The following CSMD1 variants were observed in gnomAD, a reference collection of about 807,000 sequenced individuals.
CSMD1 encodes the protein CUB and sushi domain-containing protein 1.
In CSMD1, 213 loss-of-function variants were observed where a neutral mutation model predicts 417.5. That is an observed-to-expected ratio of 0.51 (90% confidence interval 0.46 to 0.57). The LOEUF (loss-of-function observed/expected upper bound fraction) is 0.57, where lower values mean the gene tolerates loss of function less well. CSMD1 is among the 20% of genes least tolerant of loss of function. CSMD1 has a pLI of 0.00. For synonymous variants in CSMD1, 2,862 were observed against 1,736.8 expected, an observed-to-expected ratio of 1.65 and a Z score of -16.11; for missense variants, 6,923 against 4,529.7, an observed-to-expected ratio of 1.53 and a Z score of -15.17.
At chr8:3,232,816 T>A (rs1174125393) in intron 26 of CSMD1, among the ~76,000 whole-genome samples, 1 of 152,154 alleles carries the variant, frequency 6.6e-6, no homozygotes, top group African/African-American at 2.4e-5. Context: ...TTTTTTCTCG[T>A]GCTTTTATTT....
chr8:3,663,653 A>C (rs1036677390), intron 7 of CSMD1, among the ~76,000 whole-genome samples: 2 of 152,130 alleles, frequency 1.3e-5, no homozygotes, highest in African/African-American at 2.4e-5. Flanking sequence ...AAAAGAATGC[A>C]ATCATTTGCC....
At chr8:4,324,504 C>A (rs1009739397) in intron 3 of CSMD1, among the ~76,000 whole-genome samples, 1 of 152,294 alleles carries the variant, frequency 6.6e-6, no homozygotes, top group African/African-American at 2.4e-5. Flanking sequence ...GAAGTGCACA[C>A]AAAAGAGGGT....
At chr8:3,839,257 A>G (rs1014456638) in intron 5 of CSMD1, among the ~76,000 whole-genome samples, 1 of 124,808 alleles carries the variant, frequency 8.0e-6, no homozygotes, top group Non-Finnish European at 1.6e-5. Context: ...AATATATATT[A>G]CTTATATATA....
chr8:3,866,948 C>T (rs1196888890), intron 5 of CSMD1, among the ~76,000 whole-genome samples: 2 of 152,136 alleles, frequency 1.3e-5, no homozygotes, highest in African/African-American at 4.8e-5. Flanking sequence ...TTTGTAAGTA[C>T]CACCATTTTC....
chr8:4,307,996 G>A (rs1024348170), intron 3 of CSMD1, among the ~76,000 whole-genome samples: 2 of 152,128 alleles, frequency 1.3e-5, no homozygotes, highest in African/African-American at 2.4e-5. Context: ...AAGGAGGCTG[G>A]GATGTAAACA....
intron 10 of CSMD1, among the ~76,000 whole-genome samples, chr8:3,557,652 G>A (rs1300623389): frequency 6.6e-6 from 1 of 152,124 alleles, no homozygotes; most frequent in East Asian, 1.9e-4. Flanking sequence ...GCCTTCTGCG[G>A]AAATGCTTGG....
chr8:4,710,204 T>C (rs1217739655), intron 1 of CSMD1, among the ~76,000 whole-genome samples: 2 of 151,930 alleles, frequency 1.3e-5, no homozygotes. Flanking sequence ...AAAATATATA[T>C]ACGTATCTTC....
At chr8:3,503,425 T>A (rs1796689736) in intron 10 of CSMD1, among the ~76,000 whole-genome samples, 1 of 152,248 alleles carries the variant, frequency 6.6e-6, no homozygotes, top group Non-Finnish European at 1.5e-5. Context: ...GAAATAAAGT[T>A]TGCACAGGCA....
chr8:3,764,792 G>C (rs957766649), intron 5 of CSMD1, among the ~76,000 whole-genome samples: 2 of 147,022 alleles, frequency 1.4e-5, no homozygotes, highest in South Asian at 2.2e-4. Flanking sequence ...TGTTGCCTAG[G>C]CTGGAGTGCA....
intron 3 of CSMD1, among the ~76,000 whole-genome samples, chr8:4,142,709 T>C (rs982763598): frequency 7.3e-5 from 11 of 151,132 alleles, no homozygotes; most frequent in Admixed American, 5.9e-4. Flanking sequence ...TTTAGGGCAT[T>C]CCTAGAGGCC....
chr8:4,749,036 G>A (rs1032775084), intron 1 of CSMD1, among the ~76,000 whole-genome samples: 1 of 148,246 alleles, frequency 6.7e-6, no homozygotes. Flanking sequence ...ACCCAAAACT[G>A]TGTGTGTGTG....
chr8:3,671,403 T>A (rs1417318850), intron 7 of CSMD1, among the ~76,000 whole-genome samples: 1 of 147,202 alleles, frequency 6.8e-6, no homozygotes, highest in African/African-American at 2.5e-5. Flanking sequence ...CATATAGATC[T>A]TAAATACATC....
At chr8:4,487,662 G>T (rs1448043999) in intron 2 of CSMD1, among the ~76,000 whole-genome samples, 2 of 152,088 alleles carry the variant, frequency 1.3e-5, no homozygotes, top group Non-Finnish European at 2.9e-5. Flanking sequence ...TCAAAAAAAG[G>T]ATTTTTCTGT....
intron 5 of CSMD1, among the ~76,000 whole-genome samples, chr8:3,757,055 T>C (rs1797699564): frequency 6.6e-6 from 1 of 152,202 alleles, no homozygotes; most frequent in Non-Finnish European, 1.5e-5. Context: ...CTCTCACCTT[T>C]GCCTCTCAGA....
chr8:4,601,310 A>G (rs929964873), intron 2 of CSMD1, among the ~76,000 whole-genome samples: 5 of 152,148 alleles, frequency 3.3e-5, no homozygotes, highest in African/African-American at 1.2e-4. Context: ...ACAGCGAAGC[A>G]AAAGTTTGGA....
At chr8:3,876,228 G>C (rs1471885920) in intron 5 of CSMD1, among the ~76,000 whole-genome samples, 1 of 152,096 alleles carries the variant, frequency 6.6e-6, no homozygotes, top group Non-Finnish European at 1.5e-5. Flanking sequence ...CCCTGATATC[G>C]CTAAGCCAGA....
rs1023526931 is a variant in CSMD1 at position 4,993,682 on chromosome 8, C to T, written c.85+650G>A. ...CAGAACTCCTAGCCTGTTTCACGCA[C>T]CTTGCCAACACCTTACAACTTGCAA... On this transcript the variant is annotated intron_variant, in intron 1 of 69. Coordinates refer to ENST00000635120, the MANE Select transcript of CSMD1 (RefSeq NM_033225.6). 2.6e-5 allele frequency among the ~76,000 whole-genome samples: 4 copies of T among 152,188 alleles called. No homozygotes were observed. In the East Asian group the frequency reaches 7.7e-4, roughly 29 times the overall value.
chr8:3,789,317 C>A (rs1484217921), intron 5 of CSMD1, among the ~76,000 whole-genome samples: 1 of 151,524 alleles, frequency 6.6e-6, no homozygotes, highest in Non-Finnish European at 1.5e-5. Context: ...TTGTGACAGC[C>A]CCAACAGACT....
At chr8:4,895,897 C>T (rs1015622943) in intron 1 of CSMD1, among the ~76,000 whole-genome samples, 1 of 152,038 alleles carries the variant, frequency 6.6e-6, no homozygotes, top group African/African-American at 2.4e-5. Context: ...GTTGTAAATA[C>T]GTTGAATTTT....
Sources: gnomAD v4.1 joint callset for allele counts (sites outside exome capture counted in the v4.1 genomes callset) on GRCh38, gnomAD v4.1.1 for gene constraint, MANE v1.5 for transcripts, NCBI Gene and HGNC (gene_info 2026-07-23, HGNC 2026-07-21) for gene names.